The following ZZZ3 variants were observed in gnomAD, a reference collection of about 807,000 sequenced individuals.
ZZZ3 encodes ZZ-type zinc finger-containing protein 3.
ZZZ3 carries 22 observed loss-of-function variants against 95.2 expected under a neutral mutation model. The ratio of observed to expected loss-of-function variants is 0.23; its 90% CI spans 0.17 to 0.33. ZZZ3 has a LOEUF of 0.33. Among genes scored for constraint, ZZZ3 ranks in the 10% least tolerant of loss-of-function variants. The pLI, the probability that ZZZ3 is intolerant of heterozygous loss-of-function variation, is 1.00. For missense variants in ZZZ3, 885 were observed against 1,066.5 expected, an observed-to-expected ratio of 0.83 and a Z score of 2.37; for synonymous variants, 335 against 358.9, an observed-to-expected ratio of 0.93 and a Z score of 0.75.
intron 5 of ZZZ3, among the ~76,000 whole-genome samples, chr1:77,622,136 C>CAAAAA (rs58597820): frequency 1.2e-5 from 1 of 81,874 alleles, no homozygotes; most frequent in Non-Finnish European, 2.5e-5. Flanking sequence ...CTTGTCTCCA[C>CAAAAA]AAAAAAAAAA....
chr1:77,632,171 T>C lies in ZZZ3; in HGVS notation c.1184A>G (p.Asn395Ser). The C allele has an allele frequency of 6.2e-7, 1 of 1,614,092 alleles. No homozygotes were observed. The highest frequency in any genetic ancestry group is 1.1e-5 in the South Asian group (1 of 91,074). The change falls in exon 5 of 15, where the codon AAC becomes AGC. Residue 395 changes from asparagine (N) to serine (S), a missense_variant. Transcript: ENST00000370801. ...AAPTRGSPTKNSSPYRENGQF... is the reference protein window; with the variant it reads ...AAPTRGSPTKSSSPYRENGQF... Reference sequence around the variant, plus strand: ...TCCATTTTCTCTGTAAGGAGAACTGTTTTTAGTGGGACTACCTCTGGTAGG... The same window carrying C: ...TCCATTTTCTCTGTAAGGAGAACTGCTTTTAGTGGGACTACCTCTGGTAGG...
chr1:77,578,662 G>A (rs1342806018), intron 11 of ZZZ3, 112 bp downstream of exon 11: 2 of 573,598 alleles, frequency 3.5e-6, no homozygotes, highest in Non-Finnish European at 5.4e-6. Context: ...TGCTTAGAAT[G>A]AACAGAAGTT....
chr1:77,665,725 A>G (rs1039205291), intron 1 of ZZZ3, among the ~76,000 whole-genome samples: 2 of 152,206 alleles, frequency 1.3e-5, no homozygotes, highest in African/African-American at 4.8e-5. Context: ...AAAGCTAGAG[A>G]AAATATAAAA....
intron 5 of ZZZ3, among the ~76,000 whole-genome samples, chr1:77,603,801 C>T (rs375105946): frequency 6.6e-6 from 1 of 152,086 alleles, no homozygotes; most frequent in East Asian, 1.9e-4. Context: ...TATTTCAGAT[C>T]TCAGATCTTA....
At chr1:77,590,640 A>AT (rs1164016059) in intron 5 of ZZZ3, among the ~76,000 whole-genome samples, 1 of 152,280 alleles carries the variant, frequency 6.6e-6, no homozygotes, top group Non-Finnish European at 1.5e-5. Flanking sequence ...CTTGGGCTAG[A>AT]TCCCCCCAGG....
chr1:77,639,083 G>A (rs1668543024), intron 4 of ZZZ3, among the ~76,000 whole-genome samples: 1 of 152,024 alleles, frequency 6.6e-6, no homozygotes, highest in African/African-American at 2.4e-5. Context: ...AGGTAGGTAG[G>A]TAGGTAGGCA....
intron 12 of ZZZ3, among the ~76,000 whole-genome samples, chr1:77,573,627 A>C (rs1001410998): frequency 3.9e-5 from 6 of 152,246 alleles, no homozygotes; most frequent in Non-Finnish European, 8.8e-5. Flanking sequence ...AATTATACAC[A>C]AATGCTGTTT....
chr1:77,632,769 TTTC>T lies in ZZZ3; in HGVS notation c.583_585del (p.Glu195del). The T allele has an allele frequency of 6.2e-7, 1 of 1,614,212 alleles. No homozygotes were observed. The highest frequency in any genetic ancestry group is 2.2e-5 in the East Asian group (1 of 44,880). On this transcript the variant is annotated inframe_deletion, in exon 5 of 15. Coordinates refer to ENST00000370801, the MANE Select transcript of ZZZ3 (RefSeq NM_015534.6). ...CCATTGACAGCCAAATAGCCTGTGA[TTTC>T]TTCAACTACTGCAGAATTAAGTGGC...
intron 5 of ZZZ3, among the ~76,000 whole-genome samples, chr1:77,615,589 TA>T (rs1666231700): frequency 2.0e-5 from 3 of 152,240 alleles, no homozygotes; most frequent in Admixed American, 1.3e-4. Context: ...TGAAAGGACA[TA>T]AGTTTCACTA....
rs1346693516 is a variant in ZZZ3 at position 77,564,627 on chromosome 1, A to C, written c.*1013T>G. ...ACATACAAAATGTTTTAAATGATGC[A>C]CAACAAAATCCAGCAGTATAAAAGA... On this transcript the variant is annotated 3_prime_UTR_variant, in exon 15 of 15. Coordinates refer to ENST00000370801, the MANE Select transcript of ZZZ3 (RefSeq NM_015534.6). 2.0e-5 allele frequency: 3 copies of C among 152,666 alleles called. No individual in the cohort carries two copies. Among genetic ancestry groups the C allele is most frequent in the Non-Finnish European group, 2.9e-5 (2 of 68,024 alleles). The allele number at this position is 152,666 out of a possible 1,614,324, so 9.5% of individuals were successfully genotyped here.
intron 5 of ZZZ3, among the ~76,000 whole-genome samples, chr1:77,617,230 C>G (rs190341247): frequency 1.9e-4 from 29 of 152,262 alleles, no homozygotes; most frequent in Non-Finnish European, 2.9e-4. Flanking sequence ...CACCATTATC[C>G]AGTTCCAAAA....
chr1:77,576,308 A>C, intron 11 of ZZZ3, 88 bp from the exon 12 acceptor site: 1 of 1,070,714 alleles, frequency 9.3e-7, no homozygotes, highest in Non-Finnish European at 1.3e-6. Context: ...ACTTCCAACA[A>C]GTCTATCAGA....
chr1:77,574,168 A>ATATATAGATT (rs1279235305), intron 12 of ZZZ3, among the ~76,000 whole-genome samples: 1 of 148,240 alleles, frequency 6.7e-6, no homozygotes, highest in African/African-American at 2.4e-5. Flanking sequence ...ATATATAGAT[A>ATATATAGATT]TATATAGATT....
At position 77,611,750 on chromosome 1, in the gene ZZZ3, A is replaced by G. The variant is rs1271139127; in HGVS notation, c.1505+20100T>C. On this transcript the variant is annotated intron_variant, in intron 5 of 14. Coordinates refer to ENST00000370801, the MANE Select transcript of ZZZ3 (RefSeq NM_015534.6). ...CAATAAGGGACAGTCAGTTCAATAAACGATGCTGGGGAAACTGGATATCCA... is the reference window on the plus strand; with the variant it reads ...CAATAAGGGACAGTCAGTTCAATAAGCGATGCTGGGGAAACTGGATATCCA... Among the ~76,000 whole-genome samples, 3 of 152,172 alleles carry G rather than the reference A, an allele frequency of 2.0e-5. No individual in the cohort carries two copies. In the East Asian group the frequency reaches 5.8e-4, roughly 29 times the overall value.
intron 5 of ZZZ3, among the ~76,000 whole-genome samples, chr1:77,612,294 A>C (rs1048282300): frequency 7.2e-5 from 11 of 151,982 alleles, no homozygotes; most frequent in Non-Finnish European, 1.5e-4. Context: ...ATGATAATAA[A>C]TGCTGGTTGA....
At chr1:77,659,111 G>A (rs1316055548) in intron 1 of ZZZ3, among the ~76,000 whole-genome samples, 1 of 152,010 alleles carries the variant, frequency 6.6e-6, no homozygotes, top group Non-Finnish European at 1.5e-5. Flanking sequence ...CCAGCTACTA[G>A]GGAGGCTGAG....
At chr1:77,661,430 A>C (rs1570639928) in intron 1 of ZZZ3, among the ~76,000 whole-genome samples, 1 of 151,938 alleles carries the variant, frequency 6.6e-6, no homozygotes, top group African/African-American at 2.4e-5. Context: ...AAACAAAAAC[A>C]AAAACAAAAA....
chr1:77,567,418 C>CA (rs1291954808), intron 13 of ZZZ3, among the ~76,000 whole-genome samples: 6 of 152,172 alleles, frequency 3.9e-5, no homozygotes, highest in Admixed American at 3.3e-4. Flanking sequence ...CCACTGCTTT[C>CA]CTAAAGATCA....
At chr1:77,670,273 G>A (rs541513287) in intron 1 of ZZZ3, among the ~76,000 whole-genome samples, 1 of 143,076 alleles carries the variant, frequency 7.0e-6, no homozygotes, top group Admixed American at 7.0e-5. Flanking sequence ...TTTTTTTTTT[G>A]GGGGGGGGCA....
Sources: gnomAD v4.1 joint callset for allele counts (sites outside exome capture counted in the v4.1 genomes callset) on GRCh38, gnomAD v4.1.1 for gene constraint, MANE v1.5 for transcripts, NCBI Gene and HGNC (gene_info 2026-07-23, HGNC 2026-07-21) for gene names.